Variants in ENTREP2 observed in about 807,000 individuals in gnomAD.
The protein encoded by ENTREP2 is protein ENTREP2.
chr15:29,570,486 C>T, the ENTREP2 span: 64 of 1,290,250 alleles, frequency 5.0e-5, no homozygotes, highest in Non-Finnish European at 6.1e-5. Context: ...CCCGTCCCCG[C>T]CTGGTCGCGG....
the ENTREP2 span, among the ~76,000 whole-genome samples, chr15:29,506,535 G>A: frequency 1.3e-5 from 2 of 152,188 alleles, no homozygotes; most frequent in Admixed American, 1.3e-4. Context: ...ACAAAGGGAA[G>A]CCCATCAGAC....
the ENTREP2 span, among the ~76,000 whole-genome samples, chr15:29,655,703 A>T: frequency 6.6e-6 from 1 of 152,140 alleles, no homozygotes; most frequent in Non-Finnish European, 1.5e-5. Context: ...GAAAGAATCA[A>T]ATGGAAATGC....
chr15:29,332,990 C>T, the ENTREP2 span, among the ~76,000 whole-genome samples: 4 of 151,080 alleles, frequency 2.6e-5, no homozygotes, highest in Admixed American at 6.6e-5. Flanking sequence ...CCTTTATACT[C>T]GGACTTTAAG....
At chr15:29,561,520 T>A in the ENTREP2 span, among the ~76,000 whole-genome samples, 33 of 152,096 alleles carry the variant, frequency 2.2e-4, no homozygotes, top group African/African-American at 7.2e-4. Context: ...ACCCCATCTC[T>A]ACTAAAAATA....
chr15:29,563,099 C>T, the ENTREP2 span, among the ~76,000 whole-genome samples: 7 of 152,178 alleles, frequency 4.6e-5, no homozygotes, highest in African/African-American at 7.2e-5. Flanking sequence ...TCAAGTTTTT[C>T]TCCTTATCTT....
At chr15:29,146,728 G>A in the ENTREP2 span, among the ~76,000 whole-genome samples, 1 of 152,176 alleles carries the variant, frequency 6.6e-6, no homozygotes, top group Admixed American at 6.5e-5. Flanking sequence ...ACAAGGTCAG[G>A]AGTTTGAGAC....
the ENTREP2 span, among the ~76,000 whole-genome samples, chr15:29,327,511 C>G: frequency 6.6e-6 from 1 of 150,452 alleles, no homozygotes; most frequent in South Asian, 2.1e-4. Context: ...AGGAGAATGG[C>G]GTGAACCCGG....
chr15:29,566,759 C>T, the ENTREP2 span, among the ~76,000 whole-genome samples: 1 of 151,744 alleles, frequency 6.6e-6, no homozygotes, highest in African/African-American at 2.4e-5. Flanking sequence ...TGCCCAGTCA[C>T]TTTTTTATCT....
chr15:29,207,563 G>C, the ENTREP2 span, among the ~76,000 whole-genome samples: 3 of 152,076 alleles, frequency 2.0e-5, no homozygotes, highest in African/African-American at 7.2e-5. Context: ...GCTACTTTTA[G>C]AATCCTGCTG....
At chr15:29,448,212 A>G in the ENTREP2 span, among the ~76,000 whole-genome samples, 1 of 152,198 alleles carries the variant, frequency 6.6e-6, no homozygotes, top group African/African-American at 2.4e-5. Flanking sequence ...GTGGGTCACC[A>G]TTCTCCGTTG....
the ENTREP2 span, among the ~76,000 whole-genome samples, chr15:29,588,515 A>T: frequency 9.2e-6 from 1 of 108,146 alleles, no homozygotes; most frequent in African/African-American, 3.9e-5. Flanking sequence ...AGAGGGAGGG[A>T]GGGAGGAAGG....
the ENTREP2 span, among the ~76,000 whole-genome samples, chr15:29,310,809 C>T: frequency 6.6e-6 from 1 of 152,158 alleles, no homozygotes; most frequent in African/African-American, 2.4e-5. Context: ...CACACATAAA[C>T]TTAACAAAGG....
chr15:29,364,599 G>A, the ENTREP2 span, among the ~76,000 whole-genome samples: 4 of 152,156 alleles, frequency 2.6e-5, no homozygotes, highest in African/African-American at 4.8e-5. Flanking sequence ...ACTTACTCCC[G>A]TTTTGGATAA....
At chr15:29,342,565 T>C in the ENTREP2 span, among the ~76,000 whole-genome samples, 1 of 152,114 alleles carries the variant, frequency 6.6e-6, no homozygotes, top group South Asian at 2.1e-4. Context: ...ATTATCCTCC[T>C]GGGGCTGGTT....
At chr15:29,238,746 G>A in the ENTREP2 span, among the ~76,000 whole-genome samples, 1 of 152,172 alleles carries the variant, frequency 6.6e-6, no homozygotes, top group African/African-American at 2.4e-5. Flanking sequence ...GGCAGAAGGT[G>A]AAGGGAAGCA....
At chr15:29,227,871 G>T in the ENTREP2 span, among the ~76,000 whole-genome samples, 2 of 152,126 alleles carry the variant, frequency 1.3e-5, no homozygotes, top group African/African-American at 4.8e-5. Flanking sequence ...ACACATTTCT[G>T]CAGTTCTGAG....
the ENTREP2 span, among the ~76,000 whole-genome samples, chr15:29,331,792 C>T: frequency 4.5e-3 from 681 of 152,322 alleles, 5 homozygotes; most frequent in African/African-American, 0.015. Flanking sequence ...TTTGAAACCA[C>T]GGCTGATAGT....
At chr15:29,348,324 G>C in the ENTREP2 span, among the ~76,000 whole-genome samples, 4 of 146,708 alleles carry the variant, frequency 2.7e-5, no homozygotes, top group Non-Finnish European at 5.9e-5. Flanking sequence ...AATGGAAACA[G>C]GGGGAGGTCT....
the ENTREP2 span, among the ~76,000 whole-genome samples, chr15:29,140,363 C>T: frequency 3.8e-4 from 58 of 152,306 alleles, 1 homozygote; most frequent in African/African-American, 1.2e-3. Context: ...ACCTCCTCCT[C>T]GCAGGAGCTT....
Sources: gnomAD v4.1 joint callset for allele counts (sites outside exome capture counted in the v4.1 genomes callset) on GRCh38, gnomAD v4.1.1 for gene constraint, MANE v1.5 for transcripts, NCBI Gene and HGNC (gene_info 2026-07-23, HGNC 2026-07-21) for gene names.